Variants in SUCLG1 observed in about 807,000 individuals in gnomAD.
SUCLG1 encodes succinate--CoA ligase [ADP/GDP-forming] subunit alpha, mitochondrial.
SUCLG1 carries 26 observed loss-of-function variants against 37.3 expected under a neutral mutation model. The ratio of observed to expected loss-of-function variants is 0.70; its 90% CI spans 0.51 to 0.97. SUCLG1 has a LOEUF of 0.97. SUCLG1 is among the 50% of genes least tolerant of loss of function. SUCLG1 has a pLI of 0.00. For synonymous variants in SUCLG1, 163 were observed against 155.6 expected (o/e 1.05, Z -0.36); for missense variants, 433 against 432.9 (o/e 1.00, Z 0.00).
At chr2:84,434,300 C>T (rs1401036267) in intron 5 of SUCLG1, among the ~76,000 whole-genome samples, 1 of 152,120 alleles carries the variant, frequency 6.6e-6, no homozygotes, top group Non-Finnish European at 1.5e-5. Context: ...AACTATTTTC[C>T]CAATGATTTT....
intron 7 of SUCLG1, among the ~76,000 whole-genome samples, chr2:84,431,107 A>G (rs1333767413): frequency 6.6e-6 from 1 of 152,326 alleles, no homozygotes; most frequent in East Asian, 1.9e-4. Context: ...AAAAAGCACA[A>G]GGGATAGGAT....
intron 5 of SUCLG1, 54 bp downstream of exon 5, chr2:84,440,993 A>T: frequency 6.4e-7 from 1 of 1,559,514 alleles, no homozygotes; most frequent in Non-Finnish European, 8.8e-7. Flanking sequence ...GTGAGTTTTG[A>T]GGGTTTAAGG....
intron 8 of SUCLG1, 26 bp from the exon 9 acceptor site, chr2:84,423,798 G>C: frequency 6.3e-7 from 1 of 1,599,950 alleles, no homozygotes; most frequent in Non-Finnish European, 8.5e-7. Flanking sequence ...AGAGAGAGAA[G>C]AGAGATGGAA....
At chr2:84,458,982 C>T (rs1261101923) in intron 1 of SUCLG1, among the ~76,000 whole-genome samples, 191 bp downstream of exon 1, 1 of 152,208 alleles carries the variant, frequency 6.6e-6, no homozygotes, top group Non-Finnish European at 1.5e-5. Context: ...AAGTCATGCC[C>T]CCCGCCCCAC....
chr2:84,439,806 T>G (rs1454491061), intron 5 of SUCLG1, among the ~76,000 whole-genome samples: 1 of 152,226 alleles, frequency 6.6e-6, no homozygotes, highest in Non-Finnish European at 1.5e-5. Flanking sequence ...GAAATGTTAC[T>G]TTGGCTATTT....
intron 5 of SUCLG1, among the ~76,000 whole-genome samples, chr2:84,437,275 T>C (rs1672702886): frequency 6.6e-6 from 1 of 152,188 alleles, no homozygotes; most frequent in African/African-American, 2.4e-5. Context: ...GTAAACTGGA[T>C]ATCCAGCAAA....
chr2:84,446,533 T>G (rs1018041018), intron 2 of SUCLG1, among the ~76,000 whole-genome samples: 2 of 152,194 alleles, frequency 1.3e-5, no homozygotes, highest in African/African-American at 4.8e-5. Context: ...AATAGGAAAC[T>G]TGGCCCCAAG....
chr2:84,451,228 T>A (rs1672935660), intron 1 of SUCLG1, among the ~76,000 whole-genome samples: 1 of 152,188 alleles, frequency 6.6e-6, no homozygotes, highest in Non-Finnish European at 1.5e-5. Context: ...AATTTCTGAC[T>A]AGTGGAATTG....
chr2:84,433,330 G>A (rs1335104388), intron 6 of SUCLG1, 22 bp downstream of exon 6: 5 of 1,608,570 alleles, frequency 3.1e-6, no homozygotes, highest in South Asian at 1.1e-5. Flanking sequence ...CCAATAAAAT[G>A]ATTTTAGCAA....
intron 5 of SUCLG1, among the ~76,000 whole-genome samples, chr2:84,435,305 A>G (rs1043541319): frequency 6.6e-6 from 1 of 152,238 alleles, no homozygotes; most frequent in Non-Finnish European, 1.5e-5. Flanking sequence ...GAAGTGAGAT[A>G]TAATTTCCTT....
At chr2:84,449,788 G>C in intron 1 of SUCLG1, 36 bp from the exon 2 acceptor site, 11 of 854,744 alleles carry the variant, frequency 1.3e-5, no homozygotes, top group African/African-American at 2.7e-5. Flanking sequence ...AAAAAAAAAA[G>C]ACACATTATA....
intron 7 of SUCLG1, 163 bp from the exon 8 acceptor site, chr2:84,425,766 C>T: frequency 1.4e-6 from 1 of 727,896 alleles, no homozygotes; most frequent in Non-Finnish European, 2.3e-6. Context: ...ATTGAAACCA[C>T]TGCATTCTCC....
chr2:84,455,031 ACACAG>A (rs900443034), intron 1 of SUCLG1, among the ~76,000 whole-genome samples: 2 of 152,212 alleles, frequency 1.3e-5, no homozygotes, highest in Admixed American at 6.5e-5. Context: ...CATATGTAAG[ACACAG>A]GCTACTGCAG....
rs1188874245 is a variant in SUCLG1, at chr2:84,423,605, A to G, written c.*141T>C. On this transcript the variant is annotated 3_prime_UTR_variant, in exon 9 of 9. Coordinates refer to ENST00000393868, the MANE Select transcript of SUCLG1 (RefSeq NM_003849.4). ...AACATCTTAATTCAGGACATCTTCC[A>G]CCTTGTTTTGGCTTCCAGTTGTACT... 2.5e-6 allele frequency: 2 copies of G among 789,850 alleles called. No individual in the cohort carries two copies. The highest frequency in any genetic ancestry group is 4.4e-6 in the Non-Finnish European group (2 of 456,676). The allele number at this position is 789,850 out of a possible 1,614,324, so 48.9% of individuals were successfully genotyped here.
Position 84,441,107 on chromosome 2 carries a change from G to C in SUCLG1, c.532-3C>G. 1 of 1,613,934 alleles carries C rather than the reference G, an allele frequency of 6.2e-7. No individual in the cohort carries two copies. Among genetic ancestry groups the C allele is most frequent in the Non-Finnish European group, 8.5e-7 (1 of 1,179,966 alleles). On this transcript the variant is annotated splice_polypyrimidine_tract_variant and splice_region_variant and intron_variant, in intron 4 of 8. Coordinates refer to ENST00000393868, the MANE Select transcript of SUCLG1 (RefSeq NM_003849.4). ...ATGCCAATTTTACATTCTCCAGGCT[G>C]AAAGTAATCATAGTTTTCAGAAATG...
chr2:84,439,308 C>A (rs1480756848), intron 5 of SUCLG1, among the ~76,000 whole-genome samples: 1 of 152,126 alleles, frequency 6.6e-6, no homozygotes, highest in East Asian at 1.9e-4. Flanking sequence ...CTGAACTTCT[C>A]TTGATTTTCA....
chr2:84,457,431 A>G (rs1673039078), intron 1 of SUCLG1, among the ~76,000 whole-genome samples: 1 of 152,232 alleles, frequency 6.6e-6, no homozygotes, highest in Admixed American at 6.5e-5. Flanking sequence ...ACTAAACCAG[A>G]TGGTCACTCT....
At chr2:84,429,033 C>T (rs1386476639) in intron 7 of SUCLG1, among the ~76,000 whole-genome samples, 3 of 152,170 alleles carry the variant, frequency 2.0e-5, no homozygotes, top group East Asian at 1.9e-4. Flanking sequence ...AACACCAGAA[C>T]GTTTGCAAAT....
chr2:84,435,079 C>T (rs986973184), intron 5 of SUCLG1, among the ~76,000 whole-genome samples: 4 of 152,302 alleles, frequency 2.6e-5, no homozygotes, highest in Middle Eastern at 3.4e-3. Context: ...CAGCAGAGTC[C>T]CAGCTTCCCT....
Sources: allele counts gnomAD v4.1 joint callset (sites outside exome capture counted in the v4.1 genomes callset), GRCh38; gene constraint gnomAD v4.1.1; transcripts MANE v1.5; gene names NCBI Gene and HGNC (gene_info 2026-07-23, HGNC 2026-07-21).